GLIS3: variants seen among roughly 807,000 people sequenced by gnomAD.
GLIS3 encodes the protein GLIS family zinc finger 3, also known as zinc finger protein GLIS3.
Under a neutral mutation model 78.6 loss-of-function variants are expected in GLIS3, and 53 were observed. The ratio of observed to expected loss-of-function variants is 0.67; its 90% CI spans 0.54 to 0.85. GLIS3 has a LOEUF of 0.85. Ranked by LOEUF, GLIS3 falls within the 40% of genes least tolerant of loss-of-function variation. The pLI is 0.00. For missense variants in GLIS3, 1,703 were observed against 1,231.1 expected, an observed-to-expected ratio of 1.38 and a Z score of -5.74; for synonymous variants, 684 against 509.9, an observed-to-expected ratio of 1.34 and a Z score of -4.60.
At chr9:4,302,455 A>ATT (rs753201757), upstream of GLIS3, among the ~76,000 whole-genome samples, 10 of 152,256 alleles carry the variant, frequency 6.6e-5, no homozygotes, top group East Asian at 1.9e-3. Flanking sequence ...GACTAAAGGA[A>ATT]TTAACACTTG....
chr9:4,066,464 C>T (rs571431260), intron 4 of GLIS3, among the ~76,000 whole-genome samples: 1 of 152,270 alleles, frequency 6.6e-6, no homozygotes, highest in East Asian at 1.9e-4. Flanking sequence ...ACTTACCAGC[C>T]CAGAGGAGAA....
chr9:4,126,254 G>C (rs764123700), intron 2 of GLIS3, among the ~76,000 whole-genome samples: 1 of 152,180 alleles, frequency 6.6e-6, no homozygotes, highest in Non-Finnish European at 1.5e-5. Flanking sequence ...GTGGTAAGTA[G>C]ATGGGATTGC....
At chr9:3,867,734 C>CGTGTGT (rs925289052) in intron 8 of GLIS3, among the ~76,000 whole-genome samples, 62 of 14,954 alleles carry the variant, frequency 4.1e-3, no homozygotes, top group African/African-American at 6.5e-3. Context: ...TGTGTGCGTG[C>CGTGTGT]GTGTGTGTGT....
the GLIS3 span, among the ~76,000 whole-genome samples, chr9:4,465,138 G>A: frequency 6.6e-6 from 1 of 152,236 alleles, no homozygotes; most frequent in East Asian, 1.9e-4. Context: ...AGTCCTTGGG[G>A]ACTGCCCATC....
the GLIS3 span, among the ~76,000 whole-genome samples, chr9:4,353,993 A>ATTTTTTTTTTTTTTTTT: frequency 7.4e-5 from 10 of 135,748 alleles, no homozygotes; most frequent in East Asian, 2.1e-4. Flanking sequence ...ACACCCGGCT[A>ATTTTTTTTTTTTTTTTT]TTTTTTTTTT....
At chr9:4,037,975 T>G (rs565076086) in intron 4 of GLIS3, among the ~76,000 whole-genome samples, 235 of 152,230 alleles carry the variant, frequency 1.5e-3, no homozygotes, top group South Asian at 2.3e-3. Flanking sequence ...ATCACTTCAT[T>G]GGATAAAATG....
chr9:4,057,740 T>C (rs943356130), intron 4 of GLIS3, among the ~76,000 whole-genome samples: 1 of 152,028 alleles, frequency 6.6e-6, no homozygotes, highest in Admixed American at 6.6e-5. Flanking sequence ...ACTTTTTCAA[T>C]GGTACCAAAA....
chr9:4,201,175 G>A (rs911154175), intron 2 of GLIS3, among the ~76,000 whole-genome samples: 1 of 152,028 alleles, frequency 6.6e-6, no homozygotes, highest in Non-Finnish European at 1.5e-5. Context: ...GGCATCAAAG[G>A]AACATACCTC....
intron 4 of GLIS3, among the ~76,000 whole-genome samples, chr9:4,116,298 T>C (rs1831633705): frequency 1.3e-5 from 2 of 152,200 alleles, no homozygotes; most frequent in Admixed American, 6.5e-5. Flanking sequence ...TGTTCCAGAG[T>C]AAATTGAATT....
At chr9:3,837,117 T>G (rs868719112) in intron 9 of GLIS3, among the ~76,000 whole-genome samples, 2 of 152,234 alleles carry the variant, frequency 1.3e-5, no homozygotes, top group Admixed American at 6.5e-5. Context: ...TCACATCCAT[T>G]GTAACCAAAG....
chr9:3,854,543 C>CTTT (rs34558832), intron 9 of GLIS3, among the ~76,000 whole-genome samples: 1,498 of 145,688 alleles, frequency 0.01, 29 homozygotes, highest in African/African-American at 0.035. Flanking sequence ...CGTTGATGTT[C>CTTT]TTTTTTTTTT....
At chr9:4,371,746 C>T in the GLIS3 span, among the ~76,000 whole-genome samples, 1 of 152,212 alleles carries the variant, frequency 6.6e-6, no homozygotes, top group Non-Finnish European at 1.5e-5. Context: ...CGTTACTTCT[C>T]TTAGGCTTTA....
intron 9 of GLIS3, among the ~76,000 whole-genome samples, chr9:3,855,127 C>G (rs1819682709): frequency 6.6e-6 from 1 of 152,138 alleles, no homozygotes; most frequent in African/African-American, 2.4e-5. Flanking sequence ...TGTGACAGTT[C>G]AAATCTATAT....
At chr9:3,865,721 A>T (rs1392573369) in intron 8 of GLIS3, among the ~76,000 whole-genome samples, 1 of 152,216 alleles carries the variant, frequency 6.6e-6, no homozygotes, top group Non-Finnish European at 1.5e-5. Flanking sequence ...TCTTGGGCTT[A>T]ACATGAGGTG....
Position 3,828,128 on chromosome 9 carries a change from C to T in GLIS3, c.*144G>A, listed in dbSNP as rs1727035738. Reference sequence around the variant, plus strand: ...GCAAAGCTAGCTCTGCCATTCAGTCCTGCCTTCTGAAAGAACATCAGTAAC... The same window carrying T: ...GCAAAGCTAGCTCTGCCATTCAGTCTTGCCTTCTGAAAGAACATCAGTAAC... On this transcript the variant is annotated 3_prime_UTR_variant, in exon 11 of 11. Transcript: ENST00000381971. The T allele has an allele frequency of 2.2e-6, 2 of 909,786 alleles. No homozygotes were observed. Among genetic ancestry groups the T allele is most frequent in the South Asian group, 2.8e-5 (2 of 70,602 alleles). The allele number at this position is 909,786 out of a possible 1,614,324, so 56.4% of individuals were successfully genotyped here. A position where few individuals can be genotyped will look rare whatever the true frequency, so the allele number is the denominator to read the frequency against.
chr9:3,935,720 A>T (rs935451651), intron 5 of GLIS3, among the ~76,000 whole-genome samples: 1 of 152,166 alleles, frequency 6.6e-6, no homozygotes, highest in Non-Finnish European at 1.5e-5. Flanking sequence ...AACACAATTT[A>T]TTCTTTTTTT....
chr9:4,325,699 G>T (rs184739919), intron 2 of GLIS3, among the ~76,000 whole-genome samples: 73 of 151,916 alleles, frequency 4.8e-4, no homozygotes, highest in African/African-American at 1.6e-3. Context: ...TCTTTTTTTT[G>T]AGATAAATAT....
At chr9:4,123,773 G>C in intron 3 of GLIS3, 1 of 398,154 alleles carries the variant, frequency 2.5e-6, no homozygotes, top group African/African-American at 2.1e-5. Flanking sequence ...TCCACCCATG[G>C]TCGTCTCTGG....
chr9:4,410,948 T>C, the GLIS3 span, among the ~76,000 whole-genome samples: 1 of 152,112 alleles, frequency 6.6e-6, no homozygotes, highest in African/African-American at 2.4e-5. Flanking sequence ...AACTCTTGGG[T>C]TTTTTTCTTA....
Sources: gnomAD v4.1 joint callset for allele counts (sites outside exome capture counted in the v4.1 genomes callset) on GRCh38, gnomAD v4.1.1 for gene constraint, MANE v1.5 for transcripts, NCBI Gene and HGNC (gene_info 2026-07-23, HGNC 2026-07-21) for gene names.